The following ARHGEF7 variants were observed in gnomAD, a reference collection of about 807,000 sequenced individuals.
ARHGEF7 encodes the protein Rho guanine nucleotide exchange factor 7.
ARHGEF7 carries 33 observed loss-of-function variants against 109.8 expected under a neutral mutation model. The ratio of observed to expected loss-of-function variants is 0.30; its 90% CI spans 0.23 to 0.40. ARHGEF7 has a LOEUF of 0.40. ARHGEF7 is among the 10% of genes least tolerant of loss of function. The pLI is 1.00. For missense variants in ARHGEF7, 938 were observed against 1,098.5 expected (o/e 0.85, Z 2.07); for synonymous variants, 458 against 424.6 (o/e 1.08, Z -0.97).
intron 17 of ARHGEF7, among the ~76,000 whole-genome samples, chr13:111,287,842 C>T (rs892903913): frequency 1.3e-5 from 2 of 152,248 alleles, no homozygotes; most frequent in African/African-American, 2.4e-5. Context: ...ATGATGGGCC[C>T]GGGTTTTCAC....
At chr13:111,158,063 T>C (rs981357488) in intron 2 of ARHGEF7, among the ~76,000 whole-genome samples, 1 of 152,198 alleles carries the variant, frequency 6.6e-6, no homozygotes, top group African/African-American at 2.4e-5. Flanking sequence ...TAAGCTCACA[T>C]TAATAACGTG....
Position 111,300,761 on chromosome 13 carries a change from A to G in ARHGEF7, c.2325A>G (p.Glu775=). 6.2e-7 allele frequency: 1 copy of G among 1,610,336 alleles called. No homozygotes were observed. Residue 775 remains glutamate, a synonymous_variant, in exon 20 of 22, where the codon GAA becomes GAG. Transcript: ENST00000646102. ...RMGSTSRSRK[E]SAPQVLLPEE... is the part of the protein sequence containing the mutation. ...TCATGATCCTAGGTTCACGCAAAGA[A>G]TCTGCTCCACAAGTTTTGCTTCCAG...
chr13:111,192,023 T>C (rs761058948), intron 2 of ARHGEF7, among the ~76,000 whole-genome samples: 11 of 152,222 alleles, frequency 7.2e-5, no homozygotes, highest in African/African-American at 1.2e-4. Flanking sequence ...TTTTCACTTA[T>C]CTTTTTTAAG....
intron 2 of ARHGEF7, among the ~76,000 whole-genome samples, chr13:111,159,660 C>G (rs1462009321): frequency 1.3e-5 from 2 of 152,116 alleles, no homozygotes; most frequent in African/African-American, 2.4e-5. Context: ...ATCTGTTGGC[C>G]ATTTGTATGT....
chr13:111,181,578 G>T (rs1484293452), intron 2 of ARHGEF7, among the ~76,000 whole-genome samples: 1 of 152,156 alleles, frequency 6.6e-6, no homozygotes, highest in Non-Finnish European at 1.5e-5. Flanking sequence ...TATTTCTCCA[G>T]GTGCTGTTCA....
intron 1 of ARHGEF7, among the ~76,000 whole-genome samples, chr13:111,123,385 C>T (rs1254112270): frequency 6.6e-6 from 1 of 152,292 alleles, no homozygotes; most frequent in South Asian, 2.1e-4. Context: ...CAGCAAGCTG[C>T]CTGCCCTGCC....
chr13:111,217,314 C>A (rs1186288894), intron 4 of ARHGEF7, among the ~76,000 whole-genome samples: 1 of 152,138 alleles, frequency 6.6e-6, no homozygotes, highest in Non-Finnish European at 1.5e-5. Context: ...AGTCATATAG[C>A]ATAACATTAA....
intron 1 of ARHGEF7, chr13:111,153,627 G>T: frequency 3.4e-6 from 4 of 1,175,348 alleles, no homozygotes; most frequent in Non-Finnish European, 4.2e-6. Context: ...GGGCCGGCGG[G>T]GGCGCGGTCT....
rs1419371319 is a variant in ARHGEF7, at chr13:111,272,546, A to C, written c.1074-1268A>C. On this transcript the variant is annotated intron_variant, in intron 9 of 21. Transcript: ENST00000646102. The surrounding 1 kb of genome is among the most constrained non-coding windows in gnomAD (Gnocchi z 5.2). ...TAAGGGAAAACCTCTAGACTAGGAA[A>C]ATTTGTTCCTAGGATTTGTGCCATG... Among the ~76,000 whole-genome samples, 1 of 152,122 alleles carries C rather than the reference A, an allele frequency of 6.6e-6. No homozygotes were observed. The highest frequency in any genetic ancestry group is 1.5e-5 in the Non-Finnish European group (1 of 68,014).
At chr13:111,218,756 T>G (rs929141926) in intron 5 of ARHGEF7, among the ~76,000 whole-genome samples, 2 of 152,140 alleles carry the variant, frequency 1.3e-5, no homozygotes, top group African/African-American at 4.8e-5. Context: ...CTTGTGGGGT[T>G]GAATTGTTAA....
chr13:111,210,713 G>T (rs1207207618), intron 4 of ARHGEF7, among the ~76,000 whole-genome samples: 1 of 152,238 alleles, frequency 6.6e-6, no homozygotes, highest in African/African-American at 2.4e-5. Context: ...ACCCTTCTCT[G>T]AGCTGCAGCT....
At position 111,244,223 on chromosome 13, in the gene ARHGEF7, T is replaced by C. The variant is rs1436114725; in HGVS notation, c.879T>C (p.Tyr293=). ...GGTTAAGTTCAGCAAACATTTCATATTTAATGGGAAATCTAGAAGAAATAT... is the reference window on the plus strand; with the variant it reads ...GGTTAAGTTCAGCAAACATTTCATACTTAATGGGAAATCTAGAAGAAATAT... ...SEKLSSANIS[Y]LMGNLEEICS... The change falls in exon 8 of 22, where the codon TAT becomes TAC. Residue 293 remains tyrosine, a synonymous_variant. Transcript: ENST00000646102. 6.2e-7 allele frequency: 1 copy of C among 1,609,074 alleles called. No homozygotes were observed. The highest frequency in any genetic ancestry group is 2.2e-5 in the East Asian group (1 of 44,816).
At chr13:111,158,654 A>G (rs2076525810) in intron 2 of ARHGEF7, among the ~76,000 whole-genome samples, 2 of 152,242 alleles carry the variant, frequency 1.3e-5, no homozygotes, top group Non-Finnish European at 2.9e-5. Flanking sequence ...CTCTCAGATC[A>G]ACAGAGCATG....
chr13:111,137,563 C>T (rs1353000265), intron 1 of ARHGEF7, among the ~76,000 whole-genome samples: 1 of 152,144 alleles, frequency 6.6e-6, no homozygotes, highest in African/African-American at 2.4e-5. Flanking sequence ...TCCTCATGGG[C>T]TTTTGGAGTA....
At position 111,230,596 on chromosome 13, in the gene ARHGEF7, G is replaced by A. The variant is rs145597734; in HGVS notation, c.671-2609G>A. On this transcript the variant is annotated intron_variant, in intron 5 of 21. Coordinates refer to ENST00000646102, the MANE Select transcript of ARHGEF7 (RefSeq NM_001354046.2). ...CAGAAGCCAGGAGTGGCCTTGCTGG[G>A]GTCTGGCAGCCAGGGGCTTCCTGTC... Among the ~76,000 whole-genome samples the A allele has an allele frequency of 1.2e-3, 178 of 152,324 alleles. 2 individuals carry two copies. Among genetic ancestry groups the A allele is most frequent in the African/African-American group, 4.2e-3 (174 of 41,572 alleles).
At chr13:111,149,171 A>C (rs922987059) in intron 1 of ARHGEF7, among the ~76,000 whole-genome samples, 1 of 152,014 alleles carries the variant, frequency 6.6e-6, no homozygotes, top group Non-Finnish European at 1.5e-5. Context: ...GCACTTTGGG[A>C]GTCTGAGGCG....
intron 8 of ARHGEF7, among the ~76,000 whole-genome samples, chr13:111,252,476 A>G (rs972042177): frequency 2.6e-5 from 4 of 152,218 alleles, no homozygotes; most frequent in Admixed American, 2.0e-4. Flanking sequence ...AAGACATTAC[A>G]TGTTTTGCTG....
chr13:111,149,951 AC>A (rs2075812249), intron 1 of ARHGEF7, among the ~76,000 whole-genome samples: 1 of 152,206 alleles, frequency 6.6e-6, no homozygotes, highest in African/African-American at 2.4e-5. Flanking sequence ...CAGTGAGTGC[AC>A]TGTGGTTTAC....
At chr13:111,253,335 G>A (rs912637876) in intron 8 of ARHGEF7, among the ~76,000 whole-genome samples, 4 of 152,168 alleles carry the variant, frequency 2.6e-5, no homozygotes, top group African/African-American at 9.6e-5. Context: ...TTTTAAACGA[G>A]TTTTTAAAAT....
Sources: gnomAD v4.1 joint callset for allele counts (sites outside exome capture counted in the v4.1 genomes callset) on GRCh38, gnomAD v4.1.1 for gene constraint, Gnocchi (gnomAD v3.1) non-coding constraint, MANE v1.5 for transcripts, NCBI Gene and HGNC (gene_info 2026-07-23, HGNC 2026-07-21) for gene names.